Variants in DIAPH2 observed in about 807,000 individuals in gnomAD.
DIAPH2 encodes the protein protein diaphanous homolog 2.
In DIAPH2, 35 loss-of-function variants were observed where a neutral mutation model predicts 92.7. The ratio of observed to expected loss-of-function variants is 0.38; its 90% CI spans 0.29 to 0.50. DIAPH2 has a LOEUF of 0.50. DIAPH2 is among the 20% of genes least tolerant of loss of function. The pLI, the probability that DIAPH2 is intolerant of heterozygous loss-of-function variation, is 0.94. For synonymous variants in DIAPH2, 301 were observed against 280.4 expected, an observed-to-expected ratio of 1.07 and a Z score of -0.73; for missense variants, 701 against 819.5, an observed-to-expected ratio of 0.86 and a Z score of 1.77.
chrX:97,327,814 G>C (rs2068965044), intron 23 of DIAPH2, among the ~76,000 whole-genome samples: 1 of 111,770 alleles, frequency 8.9e-6, no homozygotes, highest in East Asian at 2.9e-4. Context: ...GACCTCAGAT[G>C]ATCTGCCCGT....
chrX:97,028,575 G>A (rs1339375727), intron 17 of DIAPH2, among the ~76,000 whole-genome samples: 1 of 111,745 alleles, frequency 8.9e-6, no homozygotes, highest in African/African-American at 3.3e-5. Context: ...TTTTTGTCTG[G>A]TTCCTTTCAC....
intron 4 of DIAPH2, among the ~76,000 whole-genome samples, chrX:96,871,527 T>C (rs763636718): frequency 2.3e-5 from 2 of 88,532 alleles, no homozygotes; most frequent in Non-Finnish European, 4.4e-5. Context: ...CCTAGGACAG[T>C]GGGTGGAGTA....
chrX:96,978,683 G>T (rs992999342), intron 17 of DIAPH2, among the ~76,000 whole-genome samples: 1 of 109,209 alleles, frequency 9.2e-6, no homozygotes, highest in East Asian at 2.8e-4. Flanking sequence ...ATTAATTATG[G>T]CTGCATAACC....
At chrX:97,536,012 G>A (rs1370055598) in intron 26 of DIAPH2, among the ~76,000 whole-genome samples, 2 of 111,974 alleles carry the variant, frequency 1.8e-5, no homozygotes, top group East Asian at 2.8e-4. Flanking sequence ...AAAGTGCTAT[G>A]TAAATGATAC....
intron 4 of DIAPH2, among the ~76,000 whole-genome samples, chrX:96,809,395 A>G (rs2054359439): frequency 9.0e-6 from 1 of 110,740 alleles, no homozygotes; most frequent in Admixed American, 9.6e-5. Flanking sequence ...TTTTAAGTGA[A>G]TAGTACAATA....
intron 17 of DIAPH2, among the ~76,000 whole-genome samples, chrX:97,019,124 T>C (rs1602720409): frequency 8.9e-6 from 1 of 112,132 alleles, no homozygotes; most frequent in East Asian, 2.8e-4. Context: ...AAAGGACATC[T>C]TGGTTGCTTC....
chrX:96,698,725 C>CT lies in DIAPH2; in HGVS notation c.132+13553dup, dbSNP rs35234363. 3.5e-3 allele frequency among the ~76,000 whole-genome samples: 320 copies of CT among 91,614 alleles called. 3 individuals are homozygous for CT. The highest frequency in any genetic ancestry group is 0.03 in the East Asian group (89 of 2,976). 79.6% of individuals were successfully genotyped at this position (91,614 alleles called of 115,157 possible). ...ATTTCTTATAATTACTAATCTTAAA[C>CT]TTTTTTTTTTTTTTTTTTAAGAGAT... On this transcript the variant is annotated intron_variant, in intron 1 of 26. Transcript: ENST00000324765.
At chrX:97,030,477 A>G (rs1182138811) in intron 17 of DIAPH2, among the ~76,000 whole-genome samples, 1 of 111,714 alleles carries the variant, frequency 9.0e-6, no homozygotes, top group Non-Finnish European at 1.9e-5. Context: ...AAAGGATGAT[A>G]CAAATATTTT....
intron 26 of DIAPH2, among the ~76,000 whole-genome samples, chrX:97,446,147 T>C: frequency 9.0e-6 from 1 of 111,719 alleles, no homozygotes; most frequent in Non-Finnish European, 1.9e-5. Flanking sequence ...ATTAACCTTT[T>C]GTATTTCTAT....
At chrX:97,370,447 C>G (rs963123316) in intron 24 of DIAPH2, among the ~76,000 whole-genome samples, 1 of 111,878 alleles carries the variant, frequency 8.9e-6, no homozygotes, top group African/African-American at 3.2e-5. Context: ...GAAAAAGATT[C>G]TTGATTTTTA....
chrX:96,809,342 A>G (rs1203434191), intron 4 of DIAPH2, among the ~76,000 whole-genome samples: 2 of 72,203 alleles, frequency 2.8e-5, no homozygotes, highest in Admixed American at 3.4e-4. Context: ...AAATGTGGTT[A>G]AAAAAAAAAA....
intron 24 of DIAPH2, among the ~76,000 whole-genome samples, chrX:97,381,254 A>T (rs1410695812): frequency 9.0e-6 from 1 of 111,532 alleles, no homozygotes; most frequent in Non-Finnish European, 1.9e-5. Context: ...AATAATCTGT[A>T]TCAACATTTC....
intron 23 of DIAPH2, among the ~76,000 whole-genome samples, chrX:97,271,848 T>C (rs866703850): frequency 4.8e-4 from 30 of 62,815 alleles, no homozygotes; most frequent in South Asian, 2.6e-3. Flanking sequence ...CACACACACA[T>C]GCGTACAGAC....
intron 1 of DIAPH2, among the ~76,000 whole-genome samples, chrX:96,734,628 A>G (rs180825237): frequency 1.3e-3 from 146 of 111,687 alleles, no homozygotes; most frequent in African/African-American, 4.4e-3. Flanking sequence ...TGATGAAGAC[A>G]TGGTATAGAG....
intron 22 of DIAPH2, among the ~76,000 whole-genome samples, chrX:97,186,770 A>G (rs112076310): frequency 0.013 from 1,466 of 111,852 alleles, 28 homozygotes; most frequent in African/African-American, 0.045. Context: ...CCTCTAGCTA[A>G]TGCAGCCTAC....
intron 23 of DIAPH2, among the ~76,000 whole-genome samples, chrX:97,343,713 G>T (rs761886910): frequency 9.4e-6 from 1 of 106,950 alleles, no homozygotes; most frequent in Admixed American, 1.0e-4. Flanking sequence ...AAAAAAGAAA[G>T]AAAGAAATTA....
At chrX:97,066,560 C>T (rs1449321010) in intron 17 of DIAPH2, among the ~76,000 whole-genome samples, 1 of 112,102 alleles carries the variant, frequency 8.9e-6, no homozygotes, top group Non-Finnish European at 1.9e-5. Flanking sequence ...GACCATACTT[C>T]AGTTTTGGTA....
intron 21 of DIAPH2, among the ~76,000 whole-genome samples, chrX:97,126,104 C>G (rs138164980): frequency 0.015 from 1,651 of 111,659 alleles, 33 homozygotes; most frequent in African/African-American, 0.05. Flanking sequence ...TTGTAATTCT[C>G]ACAGTAGGGG....
At chrX:96,705,055 C>A (rs1406396735) in intron 1 of DIAPH2, among the ~76,000 whole-genome samples, 1 of 102,263 alleles carries the variant, frequency 9.8e-6, no homozygotes, top group Non-Finnish European at 2.0e-5. Flanking sequence ...TTCACTACAA[C>A]CTCCACCTCC....
Sources: gnomAD v4.1 joint callset for allele counts (sites outside exome capture counted in the v4.1 genomes callset) on GRCh38, gnomAD v4.1.1 for gene constraint, MANE v1.5 for transcripts, NCBI Gene and HGNC (gene_info 2026-07-23, HGNC 2026-07-21) for gene names.